Variants in KAZN observed in about 807,000 individuals in gnomAD.
The protein encoded by KAZN is kazrin.
Under a neutral mutation model 87.4 loss-of-function variants are expected in KAZN, and 40 were observed. The ratio of observed to expected loss-of-function variants is 0.46; its 90% CI spans 0.36 to 0.60. The LOEUF is 0.60. Ranked by LOEUF, KAZN falls within the 20% of genes least tolerant of loss-of-function variation. KAZN has a pLI of 0.00. For synonymous variants in KAZN, 466 were observed against 458.3 expected, an observed-to-expected ratio of 1.02 and a Z score of -0.22; for missense variants, 898 against 1,073.9, an observed-to-expected ratio of 0.84 and a Z score of 2.29.
chr1:14,325,941 C>A (rs1656378776), intron 2 of KAZN, among the ~76,000 whole-genome samples: 1 of 152,064 alleles, frequency 6.6e-6, no homozygotes, highest in South Asian at 2.1e-4. Flanking sequence ...GTGGCGGGAT[C>A]CCTGGGATTC....
intron 1 of KAZN, among the ~76,000 whole-genome samples, chr1:14,888,522 G>A (rs115424119): frequency 1.1e-3 from 168 of 152,196 alleles, no homozygotes; most frequent in African/African-American, 3.8e-3. Context: ...GGGCCACTTC[G>A]ACCAGATTTT....
At chr1:14,645,549 G>A (rs934364165) in intron 1 of KAZN, among the ~76,000 whole-genome samples, 1 of 152,026 alleles carries the variant, frequency 6.6e-6, no homozygotes, top group Non-Finnish European at 1.5e-5. Context: ...TCTTGCCTTG[G>A]CTATTGTTGG....
In KAZN at chr1:14,127,297, T is replaced by C. The variant is rs115204536; in HGVS notation, c.92-53138T>C. ...AGAAAAATGAGGGAGCGATTTAACA[T>C]AGGACAGGCCAGATCTGAAAACAAT... On this transcript the variant is annotated intron_variant, in intron 1 of 16. Transcript: ENST00000636203. Among the ~76,000 whole-genome samples the C allele has an allele frequency of 4.0e-3, 614 of 151,830 alleles. 4 individuals carry two copies. Among genetic ancestry groups the C allele is most frequent in the African/African-American group, 0.014 (569 of 41,428 alleles).
chr1:14,195,507 C>T (rs552378132), intron 2 of KAZN, among the ~76,000 whole-genome samples: 16 of 73,286 alleles, frequency 2.2e-4, no homozygotes, highest in African/African-American at 5.7e-4. Flanking sequence ...ATTACAAAAA[C>T]GGCTCACACA....
intron 2 of KAZN, among the ~76,000 whole-genome samples, chr1:14,373,832 G>C (rs1169741894): frequency 6.6e-6 from 1 of 152,190 alleles, no homozygotes. Flanking sequence ...TATTAAAGAT[G>C]AAAGTTGTGC....
At chr1:14,280,029 C>T (rs1652718640) in intron 2 of KAZN, among the ~76,000 whole-genome samples, 1 of 152,008 alleles carries the variant, frequency 6.6e-6, no homozygotes, top group Admixed American at 6.6e-5. Context: ...AGAATGTGGC[C>T]CTATTTGGAC....
In KAZN at chr1:14,303,978, C is replaced by T. The variant is rs570416794; in HGVS notation, c.249+123386C>T. Among the ~76,000 whole-genome samples, 63 of 152,288 alleles carry T rather than the reference C, an allele frequency of 4.1e-4. 1 individual carries two copies. The South Asian group carries it at 0.011, about 26-fold the overall frequency. Reference sequence around the variant, plus strand: ...TAAACAACCCTTCCTCCAGAGTATACCCGACTCTCAAAATGTTAGCGAGCT... The same window carrying T: ...TAAACAACCCTTCCTCCAGAGTATATCCGACTCTCAAAATGTTAGCGAGCT... On this transcript the variant is annotated intron_variant, in intron 2 of 16. Coordinates refer to the KAZN transcript ENST00000636203.
chr1:14,845,847 C>T (rs1190258287), intron 1 of KAZN, among the ~76,000 whole-genome samples: 2 of 151,986 alleles, frequency 1.3e-5, no homozygotes, highest in African/African-American at 4.8e-5. Flanking sequence ...GGTCAGACCT[C>T]GAGGCAAGTC....
chr1:14,576,801 A>T (rs1168654527), intron 2 of KAZN, among the ~76,000 whole-genome samples: 1 of 150,074 alleles, frequency 6.7e-6, no homozygotes, highest in African/African-American at 2.4e-5. Context: ...ACCAAAAAAA[A>T]AGGAAAAAAA....
chr1:15,060,218 C>A lies in KAZN; in HGVS notation c.963C>A (p.Ser321=). The change falls in exon 6 of 15, where the codon TCC becomes TCA. Residue 321 remains serine (S), a synonymous_variant. Transcript: ENST00000376030. ...ACTCCCGGCAGCCCTCTGTCATCTCCGACGCATCTGCCGCCGAAGGCGACC... is the reference window on the plus strand; with the variant it reads ...ACTCCCGGCAGCCCTCTGTCATCTCAGACGCATCTGCCGCCGAAGGCGACC... ...PCHSRQPSVI[S]DASAAEGDRS... is the part of the protein sequence containing the mutation. 1 of 1,614,252 alleles carries A rather than the reference C, an allele frequency of 6.2e-7. No individual in the cohort carries two copies. Among genetic ancestry groups the A allele is most frequent in the Non-Finnish European group, 8.5e-7 (1 of 1,180,046 alleles).
intron 1 of KAZN, among the ~76,000 whole-genome samples, chr1:14,695,218 C>G (rs1463524255): frequency 6.6e-6 from 1 of 152,194 alleles, no homozygotes; most frequent in Non-Finnish European, 1.5e-5. Context: ...GATACCTCCA[C>G]ACAGACACTG....
At chr1:15,082,316 C>G (rs1306875371) in intron 8 of KAZN, among the ~76,000 whole-genome samples, 3 of 152,108 alleles carry the variant, frequency 2.0e-5, no homozygotes, top group African/African-American at 7.2e-5. Context: ...ACAACTAAAG[C>G]TTTTCTATCA....
intron 4 of KAZN, among the ~76,000 whole-genome samples, chr1:15,048,142 TC>T (rs1035594601): frequency 1.3e-5 from 2 of 151,926 alleles, no homozygotes; most frequent in Non-Finnish European, 2.9e-5. Flanking sequence ...GCATCGTCCC[TC>T]CCCCCATGTC....
intron 1 of KAZN, among the ~76,000 whole-genome samples, chr1:14,064,724 G>A (rs894701937): frequency 3.3e-5 from 5 of 152,216 alleles, no homozygotes; most frequent in Admixed American, 1.3e-4. Context: ...GGCAAACATG[G>A]ACAATGCTGG....
At chr1:14,418,561 T>G (rs1467856210) in intron 2 of KAZN, among the ~76,000 whole-genome samples, 1 of 152,192 alleles carries the variant, frequency 6.6e-6, no homozygotes, top group African/African-American at 2.4e-5. Flanking sequence ...CAGTCAGAAT[T>G]TATCACCATC....
upstream of KAZN, among the ~76,000 whole-genome samples, chr1:14,597,240 C>T (rs921719420): frequency 3.9e-5 from 6 of 152,196 alleles, no homozygotes; most frequent in South Asian, 4.1e-4. Context: ...CTGAGCAGAG[C>T]GGACAGAGTG....
intron 1 of KAZN, among the ~76,000 whole-genome samples, chr1:14,813,999 AG>A (rs1369232706): frequency 2.0e-5 from 3 of 152,196 alleles, no homozygotes; most frequent in Non-Finnish European, 4.4e-5. Flanking sequence ...ACTGGGGGCC[AG>A]GGTATCACCA....
At chr1:14,092,723 C>A (rs1644034758) in intron 1 of KAZN, among the ~76,000 whole-genome samples, 1 of 151,908 alleles carries the variant, frequency 6.6e-6, no homozygotes, top group Non-Finnish European at 1.5e-5. Flanking sequence ...AGAAAACGTA[C>A]CTTTATTTTG....
intron 1 of KAZN, among the ~76,000 whole-genome samples, chr1:14,125,589 G>A (rs1644846564): frequency 6.6e-6 from 1 of 152,148 alleles, no homozygotes; most frequent in Admixed American, 6.5e-5. Flanking sequence ...CAGAAGCTGG[G>A]AGGGTCAAGG....
Sources: gnomAD v4.1 joint callset for allele counts (sites outside exome capture counted in the v4.1 genomes callset) on GRCh38, gnomAD v4.1.1 for gene constraint, MANE v1.5 for transcripts, NCBI Gene and HGNC (gene_info 2026-07-23, HGNC 2026-07-21) for gene names.